ADGRL3: variants seen among roughly 807,000 people sequenced by gnomAD.
The protein encoded by ADGRL3 is adhesion G protein-coupled receptor L3, also known as calcium-independent alpha-latrotoxin receptor 3.
Under a neutral mutation model 153.5 loss-of-function variants are expected in ADGRL3, and 62 were observed. The ratio of observed to expected loss-of-function variants is 0.40; its 90% CI spans 0.33 to 0.50. ADGRL3 has a LOEUF of 0.50. ADGRL3 is among the 20% of genes least tolerant of loss of function. The pLI, the probability that ADGRL3 is intolerant of heterozygous loss-of-function variation, is 0.47. For synonymous variants in ADGRL3, 710 were observed against 672.5 expected (o/e 1.06, Z -0.86); for missense variants, 1,641 against 1,859.4 (o/e 0.88, Z 2.16).
intron 17 of ADGRL3, among the ~76,000 whole-genome samples, chr4:61,963,774 A>T (rs1425956254): frequency 6.6e-6 from 1 of 152,164 alleles, no homozygotes; most frequent in African/African-American, 2.4e-5. Context: ...GGATCCTCAC[A>T]CTTAAACTAT....
At chr4:61,388,260 C>G (rs1458075181) in intron 2 of ADGRL3, among the ~76,000 whole-genome samples, 2 of 152,142 alleles carry the variant, frequency 1.3e-5, no homozygotes, top group African/African-American at 4.8e-5. Flanking sequence ...ACAATATGAT[C>G]TACCATACAG....
At chr4:61,318,818 T>C (rs539802781) in intron 1 of ADGRL3, among the ~76,000 whole-genome samples, 1 of 152,320 alleles carries the variant, frequency 6.6e-6, no homozygotes, top group African/African-American at 2.4e-5. Context: ...CTATGATTTT[T>C]CCTTAGCAAA....
At chr4:61,626,444 C>T (rs1212628846) in intron 5 of ADGRL3, among the ~76,000 whole-genome samples, 1 of 151,676 alleles carries the variant, frequency 6.6e-6, no homozygotes, top group African/African-American at 2.4e-5. Context: ...CTTTTGATCT[C>T]TAATTTAATA....
chr4:61,747,313 A>G (rs2096678714), intron 8 of ADGRL3, among the ~76,000 whole-genome samples: 1 of 151,398 alleles, frequency 6.6e-6, no homozygotes. Context: ...TTCTGAAACT[A>G]TTCCAATCAA....
intron 2 of ADGRL3, among the ~76,000 whole-genome samples, chr4:61,434,549 A>T (rs967625926): frequency 9.9e-5 from 15 of 152,234 alleles, no homozygotes; most frequent in Non-Finnish European, 1.9e-4. Context: ...TAGTCAGAAT[A>T]GATAATGGAC....
At chr4:61,353,091 AAGG>A (rs1240062226) in intron 1 of ADGRL3, among the ~76,000 whole-genome samples, 5 of 152,146 alleles carry the variant, frequency 3.3e-5, no homozygotes, top group African/African-American at 4.8e-5. Context: ...AATTTCCCAG[AAGG>A]AGGAGTTTGC....
rs564119744 is a variant in ADGRL3, at chr4:61,225,636, CA to C, written c.-240+23875del. 8.5e-5 allele frequency among the ~76,000 whole-genome samples: 13 copies of C among 152,242 alleles called. No individual in the cohort carries two copies. In the South Asian group the frequency reaches 2.7e-3, roughly 32 times the overall value. On this transcript the variant is annotated intron_variant, in intron 1 of 26. Coordinates refer to ENST00000683033, the MANE Select transcript of ADGRL3 (RefSeq NM_001387552.1). ...AACACCACTTTGTTATTCACTTTAG[CA>C]AAATATAGATTAATGTATATTAACA...
chr4:61,406,612 T>A (rs1353741528), intron 2 of ADGRL3, among the ~76,000 whole-genome samples: 3 of 151,930 alleles, frequency 2.0e-5, no homozygotes, highest in African/African-American at 7.2e-5. Flanking sequence ...ATTTAACTTT[T>A]TTCCTTTTAT....
At chr4:61,299,712 A>C (rs946716524) in intron 1 of ADGRL3, among the ~76,000 whole-genome samples, 1 of 152,142 alleles carries the variant, frequency 6.6e-6, no homozygotes, top group Non-Finnish European at 1.5e-5. Context: ...ACTTTGGTAT[A>C]CGTGAGGGCT....
At chr4:61,625,876 G>GA (rs2092802046) in intron 5 of ADGRL3, among the ~76,000 whole-genome samples, 1 of 152,060 alleles carries the variant, frequency 6.6e-6, no homozygotes, top group African/African-American at 2.4e-5. Context: ...AGTAAAGGGT[G>GA]AAAACTGCAT....
chr4:61,932,124 T>C (rs2098820134), intron 13 of ADGRL3, among the ~76,000 whole-genome samples: 1 of 152,220 alleles, frequency 6.6e-6, no homozygotes, highest in South Asian at 2.1e-4. Context: ...TAAGATCATG[T>C]CATCTGCAGA....
chr4:61,238,709 A>G (rs1046430441), intron 1 of ADGRL3, among the ~76,000 whole-genome samples: 5 of 152,036 alleles, frequency 3.3e-5, no homozygotes, highest in African/African-American at 4.8e-5. Flanking sequence ...CTTACTTTTC[A>G]ATGTCCTCAT....
intron 1 of ADGRL3, among the ~76,000 whole-genome samples, chr4:61,265,306 C>G (rs143201277): frequency 6.6e-6 from 1 of 152,056 alleles, no homozygotes; most frequent in African/African-American, 2.4e-5. Context: ...ATCACATTCA[C>G]AATTCACAAG....
intron 13 of ADGRL3, among the ~76,000 whole-genome samples, chr4:61,925,332 A>G (rs2098789855): frequency 6.6e-6 from 1 of 152,098 alleles, no homozygotes; most frequent in South Asian, 2.1e-4. Flanking sequence ...GTGTTTCTGT[A>G]CCATCAATTC....
At position 61,646,861 on chromosome 4, in the gene ADGRL3, C is replaced by T. The variant is rs563411223; in HGVS notation, c.474-29965C>T. Among the ~76,000 whole-genome samples the T allele has an allele frequency of 5.3e-5, 8 of 152,290 alleles. No individual in the cohort carries two copies. The South Asian group carries it at 1.0e-3, about 20-fold the overall frequency. On this transcript the variant is annotated intron_variant, in intron 5 of 26. Coordinates refer to ENST00000683033, the MANE Select transcript of ADGRL3 (RefSeq NM_001387552.1). ...CTAATCAAGCCTGGGCAATGGCGGG[C>T]GCCCCTCCCCCAGCCTGGCTGCCGA...
chr4:61,480,846 T>C (rs1261626084), intron 2 of ADGRL3, among the ~76,000 whole-genome samples: 1 of 152,054 alleles, frequency 6.6e-6, no homozygotes, highest in Non-Finnish European at 1.5e-5. Flanking sequence ...CCTAAGTAGA[T>C]ATTTTTTCTA....
chr4:61,775,402 T>TTGTGTGTGTG (rs61671331), intron 8 of ADGRL3: 111 of 454,006 alleles, frequency 2.4e-4, no homozygotes, highest in African/African-American at 2.2e-3. Context: ...TTTTCTTTCT[T>TTGTGTGTGTG]TGTGTGTGTG....
chr4:61,572,849 A>T (rs759450924), intron 4 of ADGRL3, among the ~76,000 whole-genome samples: 19 of 152,066 alleles, frequency 1.2e-4, no homozygotes, highest in Non-Finnish European at 2.8e-4. Flanking sequence ...GATGTCTTCA[A>T]GGCTCCATCG....
At chr4:61,896,670 ACTAT>A (rs2098633467) in intron 11 of ADGRL3, among the ~76,000 whole-genome samples, 2 of 152,310 alleles carry the variant, frequency 1.3e-5, no homozygotes, top group South Asian at 2.1e-4. Context: ...ATGAGCCATA[ACTAT>A]CTATTTACCC....
Sources: allele counts gnomAD v4.1 joint callset (sites outside exome capture counted in the v4.1 genomes callset), GRCh38; gene constraint gnomAD v4.1.1; transcripts MANE v1.5; gene names NCBI Gene and HGNC (gene_info 2026-07-23, HGNC 2026-07-21).